The following RBFOX2 variants were observed in gnomAD, a reference collection of about 807,000 sequenced individuals.
RBFOX2 encodes the protein RNA binding fox-1 homolog 2.
Under a neutral mutation model 49.1 loss-of-function variants are expected in RBFOX2, and 10 were observed. The ratio of observed to expected loss-of-function variants is 0.20; its 90% confidence interval spans 0.13 to 0.35. RBFOX2 has a LOEUF of 0.35. Among genes scored for constraint, RBFOX2 ranks in the 10% least tolerant of loss-of-function variants. The pLI is 1.00. For synonymous variants in RBFOX2, 183 were observed against 187.4 expected (o/e 0.98, Z 0.19); for missense variants, 323 against 486.9 (o/e 0.66, Z 3.17).
chr22:35,918,037 C>A (rs1323683202), intron 1 of RBFOX2, among the ~76,000 whole-genome samples: 1 of 152,136 alleles, frequency 6.6e-6, no homozygotes, highest in African/African-American at 2.4e-5. Flanking sequence ...AAATGTAAAA[C>A]GGGGGTGATA....
At chr22:35,746,134 A>G (rs1932663331) in intron 10 of RBFOX2, 139 bp from the exon 13 acceptor site, 1 of 781,566 alleles carries the variant, frequency 1.3e-6, no homozygotes, top group Non-Finnish European at 2.1e-6. Flanking sequence ...AGGAATAGGA[A>G]AAAACCTTTC....
intron 1 of RBFOX2, among the ~76,000 whole-genome samples, chr22:35,925,682 A>G (rs1267880920): frequency 6.6e-6 from 1 of 152,244 alleles, no homozygotes; most frequent in Non-Finnish European, 1.5e-5. Flanking sequence ...GTGTAAGTAA[A>G]GGAATTAGAA....
intron 1 of RBFOX2, among the ~76,000 whole-genome samples, chr22:35,875,766 C>A (rs561880218): frequency 6.6e-6 from 1 of 151,996 alleles, no homozygotes; most frequent in Admixed American, 6.6e-5. Context: ...ATTCTCCTAG[C>A]GCCTCCTTAT....
intron 2 of RBFOX2, among the ~76,000 whole-genome samples, chr22:35,796,659 A>G (rs1948844888): frequency 6.6e-6 from 1 of 152,234 alleles, no homozygotes; most frequent in South Asian, 2.1e-4. Context: ...AATCCACTGG[A>G]CAATCATGCA....
chr22:36,010,739 AC>A (rs2058790105), intron 1 of RBFOX2, among the ~76,000 whole-genome samples: 1 of 113,408 alleles, frequency 8.8e-6, no homozygotes, highest in Non-Finnish European at 1.9e-5. Context: ...CAGTACACAC[AC>A]ACACACACAC....
chr22:35,817,745 T>C (rs535894032), intron 1 of RBFOX2, among the ~76,000 whole-genome samples: 5 of 152,042 alleles, frequency 3.3e-5, no homozygotes, highest in South Asian at 4.2e-4. Flanking sequence ...TAAGGGGGCG[T>C]TGGAATTCAG....
At position 36,025,824 on chromosome 22, in the gene RBFOX2, T is replaced by A. The variant is rs186849749; in HGVS notation, c.186+2416A>T. ...TGGGTGGATTACAAGGGAAATCATC[T>A]TGTACACATACTTTATTTTACAACT... On this transcript the variant is annotated intron_variant, in intron 1 of 13. Coordinates refer to the RBFOX2 transcript ENST00000438146. 6.4e-4 allele frequency among the ~76,000 whole-genome samples: 97 copies of A among 152,254 alleles called. 1 individual carries two copies. The highest frequency in any genetic ancestry group is 4.4e-3 in the Admixed American group (68 of 15,298).
chr22:35,979,359 G>A (rs982535951), intron 1 of RBFOX2, among the ~76,000 whole-genome samples: 11 of 152,200 alleles, frequency 7.2e-5, no homozygotes, highest in Admixed American at 3.3e-4. Flanking sequence ...AAATGTTAAC[G>A]AAGTCTGTGG....
rs756735212 is a variant in RBFOX2, at chr22:35,938,895, G to A, written c.-82C>T. ...CATGATAACCTGGAGTCAGAGGCTC[G>A]TTCTATGAGAAAGACAAGAAAAATA... On this transcript the variant is annotated 5_prime_UTR_variant, in exon 1 of 14. Coordinates refer to the RBFOX2 transcript ENST00000359369. The A allele has an allele frequency of 1.7e-5, 28 of 1,613,310 alleles. No individual in the cohort carries two copies. Among genetic ancestry groups the A allele is most frequent in the Admixed American group, 1.2e-4 (7 of 59,990 alleles).
chr22:35,900,177 G>C (rs1207244397), intron 1 of RBFOX2, among the ~76,000 whole-genome samples: 1 of 152,134 alleles, frequency 6.6e-6, no homozygotes, highest in Admixed American at 6.5e-5. Context: ...GCAGTGGCAT[G>C]ATCTCGGCTC....
chr22:35,954,177 G>A (rs1019031260), intron 1 of RBFOX2, among the ~76,000 whole-genome samples: 2 of 152,122 alleles, frequency 1.3e-5, no homozygotes, highest in East Asian at 1.9e-4. Context: ...TTTGTGGGGG[G>A]AGGAGGTTTC....
rs186314728 is a variant in RBFOX2 at position 35,749,204 on chromosome 22, C to A, written c.888-2643G>T. ...TTTGAAGTTTAAACATGATGAAGTT[C>A]TCTGCTTTTCAAGTGGAAGAAAACA... On this transcript the variant is annotated intron_variant, in intron 9 of 11. Coordinates refer to ENST00000405409, the Ensembl canonical transcript of RBFOX2. The surrounding 1 kb of genome is among the most constrained non-coding windows in gnomAD (Gnocchi z 4.1). Among the ~76,000 whole-genome samples, 1 of 152,218 alleles carries A rather than the reference C, an allele frequency of 6.6e-6. No homozygotes were observed. The highest frequency in any genetic ancestry group is 1.9e-4 in the East Asian group (1 of 5,168).
intron 1 of RBFOX2, among the ~76,000 whole-genome samples, chr22:35,901,856 C>T (rs1022635519): frequency 4.0e-5 from 6 of 151,830 alleles, no homozygotes; most frequent in African/African-American, 9.7e-5. Context: ...CTGAGGCAGG[C>T]GGATCACTTG....
intron 1 of RBFOX2, among the ~76,000 whole-genome samples, chr22:35,991,778 G>A (rs779736519): frequency 1.3e-5 from 2 of 152,098 alleles, no homozygotes; most frequent in Non-Finnish European, 2.9e-5. Flanking sequence ...TGACAAGAAC[G>A]GGCACCAGAT....
chr22:35,855,708 C>A (rs2149029041), intron 1 of RBFOX2, among the ~76,000 whole-genome samples: 1 of 152,178 alleles, frequency 6.6e-6, no homozygotes, highest in African/African-American at 2.4e-5. Context: ...CATGCCCAGC[C>A]CCAATTCATT....
upstream of RBFOX2, among the ~76,000 whole-genome samples, chr22:35,844,473 G>A (rs1298702842): frequency 3.3e-5 from 5 of 152,062 alleles, no homozygotes; most frequent in Non-Finnish European, 7.4e-5. Context: ...CGCACTTGGA[G>A]ATATCTTCAA....
intron 1 of RBFOX2, among the ~76,000 whole-genome samples, chr22:35,839,743 C>A (rs991514922): frequency 2.0e-5 from 3 of 152,190 alleles, no homozygotes; most frequent in African/African-American, 4.8e-5. Flanking sequence ...AATTCCATAG[C>A]CAATCCTGAG....
chr22:35,993,753 G>A (rs111667096), intron 1 of RBFOX2: 2,565 of 152,262 alleles, frequency 0.017, 33 homozygotes, highest in Middle Eastern at 0.048. Flanking sequence ...ATGGGAGGTC[G>A]AGGCAGATAG....
At chr22:35,902,856 A>G (rs2048743249) in intron 1 of RBFOX2, among the ~76,000 whole-genome samples, 1 of 150,580 alleles carries the variant, frequency 6.6e-6, no homozygotes, top group African/African-American at 2.4e-5. Flanking sequence ...GGGTCTCACT[A>G]TGTTGCCCAG....
Sources: allele counts gnomAD v4.1 joint callset (sites outside exome capture counted in the v4.1 genomes callset), GRCh38; gene constraint gnomAD v4.1.1; non-coding constraint Gnocchi (gnomAD v3.1); transcripts MANE v1.5; gene names NCBI Gene and HGNC (gene_info 2026-07-23, HGNC 2026-07-21).